TRIM50: variants seen among roughly 807,000 people sequenced by gnomAD.
TRIM50 encodes E3 ubiquitin-protein ligase TRIM50.
In TRIM50, 34 loss-of-function variants were observed where a neutral mutation model predicts 44.9. The ratio of observed to expected loss-of-function variants is 0.76; its 90% CI spans 0.58 to 1.01. The LOEUF is 1.01. Among genes scored for constraint, TRIM50 ranks in the 50% least tolerant of loss-of-function variants. TRIM50 has a pLI of 0.00. For synonymous variants in TRIM50, 307 were observed against 291.1 expected (o/e 1.05, Z -0.56); for missense variants, 633 against 663.7 (o/e 0.95, Z 0.51).
intron 1 of TRIM50, among the ~76,000 whole-genome samples, chr7:73,326,172 G>C (rs540286672): frequency 5.1e-4 from 77 of 152,372 alleles, no homozygotes; most frequent in African/African-American, 1.8e-3. Flanking sequence ...TTACAGGCGT[G>C]AGCCTTACTG....
intron 6 of TRIM50, among the ~76,000 whole-genome samples, chr7:73,315,578 C>A (rs1266913096): frequency 1.3e-5 from 2 of 152,124 alleles, no homozygotes; most frequent in Non-Finnish European, 2.9e-5. Context: ...TGGTTTTGAA[C>A]TCCTGGCCTC....
At position 73,313,347 on chromosome 7, in the gene TRIM50, G is replaced by C. The variant is rs782065799; in HGVS notation, c.1038C>G (p.Cys346Trp). The C allele has an allele frequency of 6.3e-5, 101 of 1,602,508 alleles. 1 individual carries two copies. The change falls in exon 7 of 7, where the codon TGC (cysteine) becomes TGG (tryptophan). Residue 346 changes from cysteine to tryptophan, a missense_variant. By Grantham distance (215) the Cys-to-Trp change is radical. Coordinates refer to ENST00000333149, the MANE Select transcript of TRIM50 (RefSeq NM_178125.3). This position sits in a 1 kb window ranked among gnomAD's most constrained non-coding sequence, Gnocchi z 4.9. The part of the protein sequence containing the change: ...TCVLASRGFS[C>W]GRHYWEVVVG... Reference sequence around the variant, plus strand: ...CCACCACCTCCCAGTAGTGGCGGCCGCAGGAGAAGCCGCGGCTGGCCAGGA... The same window carrying C: ...CCACCACCTCCCAGTAGTGGCGGCCCCAGGAGAAGCCGCGGCTGGCCAGGA...
chr7:73,315,895 T>C (rs2115724670), intron 6 of TRIM50, among the ~76,000 whole-genome samples: 1 of 152,074 alleles, frequency 6.6e-6, no homozygotes, highest in African/African-American at 2.4e-5. Flanking sequence ...TTTTTTTTTT[T>C]TTGAGACGGA....
rs1190505300 is a variant in TRIM50, at chr7:73,320,437, G to A, written c.400-195C>T. Among the ~76,000 whole-genome samples the A allele has an allele frequency of 2.0e-4, 30 of 152,236 alleles. 1 individual carries two copies. On this transcript the variant is annotated intron_variant, in intron 2 of 6. Transcript: ENST00000333149. ...GAATAGTCTGGGCGCAGAAGCTCAC[G>A]CCTGTAATTCCAGCACTTTGGGAGA...
chr7:73,323,600 T>C (rs1266020773), intron 2 of TRIM50, among the ~76,000 whole-genome samples: 2 of 152,248 alleles, frequency 1.3e-5, no homozygotes, highest in African/African-American at 2.4e-5. Context: ...GGTTTGGTGA[T>C]GGCCTATAAA....
In TRIM50 at chr7:73,313,242, C is replaced by T; in HGVS notation, c.1143G>A (p.Glu381=). Residue 381 remains glutamate, a synonymous_variant, in exon 7 of 7, where the codon GAG becomes GAA. Coordinates refer to ENST00000333149, the MANE Select transcript of TRIM50 (RefSeq NM_178125.3). The surrounding 1 kb of genome is among the most constrained non-coding windows in gnomAD (Gnocchi z 4.9). ...SRKGKLNRSP[E]HGVWLIGLKE... Reference sequence around the variant, plus strand: ...TCAGGCCGATCAGCCACACGCCGTGCTCGGGGGACCTGTTCAGCTTGCCCT... The same window carrying T: ...TCAGGCCGATCAGCCACACGCCGTGTTCGGGGGACCTGTTCAGCTTGCCCT... The T allele has an allele frequency of 6.3e-7, 1 of 1,596,884 alleles. No homozygotes were observed. The highest frequency in any genetic ancestry group is 1.3e-5 in the African/African-American group (1 of 74,848).
Position 73,313,620 on chromosome 7 carries a change from C to T in TRIM50, c.875-110G>A. 2.2e-6 allele frequency: 2 copies of T among 905,398 alleles called. No individual in the cohort carries two copies. Among genetic ancestry groups the T allele is most frequent in the East Asian group, 5.3e-5 (2 of 37,480 alleles). 56.1% of individuals were successfully genotyped at this position (905,398 alleles called of 1,614,324 possible). On this transcript the variant is annotated intron_variant, in intron 6 of 6. Coordinates refer to ENST00000333149, the MANE Select transcript of TRIM50 (RefSeq NM_178125.3). The surrounding 1 kb of genome is among the most constrained non-coding windows in gnomAD (Gnocchi z 4.9). ...CCCCAAGGAGAGGGGCTGTGTCTTC[C>T]TCATCTCTCTAGCCCCAGGGTCTAG...
Position 73,324,425 on chromosome 7 carries a change from C to T in TRIM50, c.363G>A (p.Pro121=), listed in dbSNP as rs77664691. 1,579 of 1,613,630 alleles carry T rather than the reference C, an allele frequency of 9.8e-4. 23 individuals carry two copies. The African/African-American group carries it at 0.019, about 20-fold the overall frequency. The change falls in exon 2 of 7, where the codon CCG becomes CCA. Residue 121 remains proline, a synonymous_variant. Transcript: ENST00000333149. ...TGTAGACGGTGGAGACGGGCGTGAC[C>T]GGGTGGTGTTGGTGGGAGCCCAGCA... The part of the protein sequence containing the change: ...CGLLGSHQHH[P]VTPVSTVYSR...
chr7:73,327,789 T>C (rs2695367), intron 1 of TRIM50, 111 bp downstream of exon 1: 25 of 227,072 alleles, frequency 1.1e-4, no homozygotes, highest in East Asian at 9.4e-4. Context: ...GCCATGTGTC[T>C]CATCATGCCC....
chr7:73,321,748 G>A (rs1360920197), intron 2 of TRIM50, among the ~76,000 whole-genome samples: 2 of 152,142 alleles, frequency 1.3e-5, no homozygotes, highest in Non-Finnish European at 2.9e-5. Context: ...TTTCAGGAAG[G>A]GAGTTGCGTA....
At position 73,324,633 on chromosome 7, in the gene TRIM50, C is replaced by G. The variant is rs368619027; in HGVS notation, c.155G>C (p.Arg52Pro). 4 of 1,614,060 alleles carry G rather than the reference C, an allele frequency of 2.5e-6. No individual in the cohort carries two copies. In the African/African-American group the frequency reaches 5.3e-5, roughly 22 times the overall value. ...SLSCHLDAEL[R>P]CPVCRQAVDG... Reference sequence around the variant, plus strand: ...CACCGCCTGCCGGCACACGGGGCAGCGCAGCTCGGCATCCAGGTGGCAGGA... The same window carrying G: ...CACCGCCTGCCGGCACACGGGGCAGGGCAGCTCGGCATCCAGGTGGCAGGA... Residue 52 changes from arginine (R) to proline (P), a missense_variant, in exon 2 of 7, where the codon CGC becomes CCC. Coordinates refer to ENST00000333149, the MANE Select transcript of TRIM50 (RefSeq NM_178125.3).
chr7:73,320,999 G>A (rs1287519400), intron 2 of TRIM50, among the ~76,000 whole-genome samples: 1 of 148,364 alleles, frequency 6.7e-6, no homozygotes, highest in Non-Finnish European at 1.5e-5. Flanking sequence ...ACTCCAGCCT[G>A]GGCAACAAGA....
At chr7:73,317,808 T>G (rs1160885812) in intron 5 of TRIM50, among the ~76,000 whole-genome samples, 2 of 152,124 alleles carry the variant, frequency 1.3e-5, no homozygotes, top group African/African-American at 4.8e-5. Flanking sequence ...ATGGATCCAC[T>G]CTCTTCCCAC....
intron 6 of TRIM50, among the ~76,000 whole-genome samples, chr7:73,316,218 G>A (rs1804354634): frequency 6.6e-6 from 1 of 152,124 alleles, no homozygotes; most frequent in Non-Finnish European, 1.5e-5. Flanking sequence ...GGCAAAAACT[G>A]CAATTACTTT....
chr7:73,319,004 G>A lies in TRIM50; in HGVS notation c.544C>T (p.Leu182=), dbSNP rs782714995. The A allele has an allele frequency of 5.1e-5, 83 of 1,613,930 alleles. 1 individual carries two copies. In the Middle Eastern group the frequency reaches 6.6e-4, roughly 13 times the overall value. ...SWVIRREFQE[L]HHLVDEEKAR... is the part of the protein sequence containing the mutation. Reference sequence around the variant, plus strand: ...TTCTCCTCATCCACCAGGTGGTGCAGCTCCTGGAACTCGCGGCGGATCACC... The same window carrying A: ...TTCTCCTCATCCACCAGGTGGTGCAACTCCTGGAACTCGCGGCGGATCACC... Residue 182 remains leucine, a synonymous_variant, in exon 4 of 7, where the codon CTG becomes TTG. Transcript: ENST00000333149.
At chr7:73,320,577 A>C (rs1804471206) in intron 2 of TRIM50, among the ~76,000 whole-genome samples, 1 of 152,114 alleles carries the variant, frequency 6.6e-6, no homozygotes. Flanking sequence ...ATACACCTGT[A>C]GTCCCAGCTA....
rs111398281 is a variant in TRIM50 at position 73,324,262 on chromosome 7, C to A, written c.399+127G>T. 6 of 1,516,354 alleles carry A rather than the reference C, an allele frequency of 4.0e-6. No individual in the cohort carries two copies. In the African/African-American group the frequency reaches 4.1e-5, roughly 10 times the overall value. The allele number at this position is 1,516,354 out of a possible 1,614,324, so 93.9% of individuals were successfully genotyped here. A position where few individuals can be genotyped will look rare whatever the true frequency, so the allele number is the denominator to read the frequency against. On this transcript the variant is annotated intron_variant, in intron 2 of 6. Coordinates refer to ENST00000333149, the MANE Select transcript of TRIM50 (RefSeq NM_178125.3). The stretch of plus-strand genomic sequence containing the variant: ...CAGCTCAAACGCTAAGGAATGAATG[C>A]GCCAGGGCACAGCTGCAGGGAAATC...
At chr7:73,316,459 C>A in intron 6 of TRIM50, 106 bp downstream of exon 6, 3 of 1,475,972 alleles carry the variant, frequency 2.0e-6, no homozygotes, top group Non-Finnish European at 2.7e-6. Context: ...CCTCCACAAA[C>A]CTCCATCTGA....
intron 6 of TRIM50, among the ~76,000 whole-genome samples, chr7:73,315,683 T>C (rs1175798155): frequency 5.3e-5 from 8 of 152,106 alleles, no homozygotes; most frequent in Admixed American, 2.0e-4. Context: ...CTATTTTTGC[T>C]TTTGGTGGAT....
Sources: gnomAD v4.1 joint callset for allele counts (sites outside exome capture counted in the v4.1 genomes callset) on GRCh38, gnomAD v4.1.1 for gene constraint, Gnocchi (gnomAD v3.1) non-coding constraint, MANE v1.5 for transcripts, NCBI Gene and HGNC (gene_info 2026-07-23, HGNC 2026-07-21) for gene names.